The following LIPI variants were observed in gnomAD, a reference collection of about 807,000 sequenced individuals.
LIPI encodes lipase member I.
Under a neutral mutation model 50.6 loss-of-function variants are expected in LIPI, and 59 were observed. That is an observed-to-expected ratio of 1.16 (90% confidence interval 0.94 to 1.45). The LOEUF (loss-of-function observed/expected upper bound fraction) is 1.45, where lower values mean the gene tolerates loss of function less well. Ranked by LOEUF, LIPI falls within the 40% of genes most tolerant of loss-of-function variation. The pLI is 0.00. For synonymous variants in LIPI, 203 were observed against 178.2 expected, an observed-to-expected ratio of 1.14 and a Z score of -1.11; for missense variants, 586 against 536.3, an observed-to-expected ratio of 1.09 and a Z score of -0.92.
chr21:14,193,486 A>G (rs1018535939), intron 1 of LIPI, among the ~76,000 whole-genome samples: 1 of 152,132 alleles, frequency 6.6e-6, no homozygotes, highest in Non-Finnish European at 1.5e-5. Context: ...ACCAGACTAT[A>G]TGTTACCTAC....
At chr21:14,138,285 A>G (rs1201560227) in intron 9 of LIPI, among the ~76,000 whole-genome samples, 1 of 152,136 alleles carries the variant, frequency 6.6e-6, no homozygotes, top group Admixed American at 6.5e-5. Flanking sequence ...TAAAAAAATA[A>G]AGATTTCAGG....
chr21:14,161,509 A>G lies in LIPI; in HGVS notation c.1006+1910T>C, dbSNP rs1182042641. Among the ~76,000 whole-genome samples the G allele has an allele frequency of 1.2e-4, 16 of 133,024 alleles. No homozygotes were observed. In the South Asian group the frequency reaches 2.2e-3, roughly 18 times the overall value. The allele number at this position is 133,024 out of a possible 152,430, so 87.3% of individuals were successfully genotyped here. On this transcript the variant is annotated intron_variant, in intron 7 of 9. Transcript: ENST00000681601. The stretch of plus-strand genomic sequence containing the variant: ...TCTAATATATAGATATCTATAATAT[A>G]TAGATATATAGATATAGATATAATA...
chr21:14,185,852 C>A, intron 3 of LIPI, 109 bp downstream of exon 3: 2 of 664,682 alleles, frequency 3.0e-6, no homozygotes, highest in Non-Finnish European at 5.3e-6. Context: ...CACTGCACTG[C>A]AGCCTGGGCA....
intron 9 of LIPI, among the ~76,000 whole-genome samples, chr21:14,139,780 G>C (rs2017637583): frequency 6.6e-6 from 1 of 152,128 alleles, no homozygotes; most frequent in Admixed American, 6.6e-5. Context: ...TTGGAGGTGA[G>C]AAAGTTAGCC....
intron 4 of LIPI, among the ~76,000 whole-genome samples, chr21:14,171,271 G>T (rs969008930): frequency 6.8e-6 from 1 of 146,602 alleles, no homozygotes. Context: ...AATCAATATC[G>T]TGAAAATGGC....
chr21:14,188,617 C>CGA (rs2019540323), intron 2 of LIPI, among the ~76,000 whole-genome samples: 1 of 143,634 alleles, frequency 7.0e-6, no homozygotes, highest in Admixed American at 6.9e-5. Context: ...TACCAATTCA[C>CGA]ACTCGATTAT....
chr21:14,127,586 A>AT, intron 9 of LIPI, among the ~76,000 whole-genome samples: 1 of 152,236 alleles, frequency 6.6e-6, no homozygotes, highest in Admixed American at 6.5e-5. Context: ...ACTTCACCCT[A>AT]TTTTTTACCT....
chr21:14,195,215 A>C (rs546567706), intron 1 of LIPI, among the ~76,000 whole-genome samples: 1 of 152,282 alleles, frequency 6.6e-6, no homozygotes, highest in African/African-American at 2.4e-5. Flanking sequence ...TGAAATCTGC[A>C]TAGGGGTCTC....
intron 6 of LIPI, among the ~76,000 whole-genome samples, chr21:14,163,937 A>G (rs2018583517): frequency 6.6e-6 from 1 of 151,380 alleles, no homozygotes; most frequent in African/African-American, 2.4e-5. Flanking sequence ...TACGTATAAT[A>G]CATACAGATA....
intron 1 of LIPI, among the ~76,000 whole-genome samples, chr21:14,194,127 A>G (rs2019767471): frequency 6.6e-6 from 1 of 152,038 alleles, no homozygotes; most frequent in Admixed American, 6.6e-5. Flanking sequence ...CTTGCTAAAA[A>G]CACACACACA....
At chr21:14,177,078 T>C (rs2019123804) in intron 4 of LIPI, among the ~76,000 whole-genome samples, 1 of 152,264 alleles carries the variant, frequency 6.6e-6, no homozygotes, top group South Asian at 2.1e-4. Context: ...TATGATTGTG[T>C]AGTTGCCTTT....
chr21:14,123,413 A>C (rs2016937807), intron 9 of LIPI, among the ~76,000 whole-genome samples: 1 of 152,212 alleles, frequency 6.6e-6, no homozygotes, highest in Admixed American at 6.5e-5. Context: ...GATCTGTAAG[A>C]CAAAAGCCTA....
At chr21:14,167,119 C>T (rs887201759) in intron 4 of LIPI, among the ~76,000 whole-genome samples, 1 of 152,172 alleles carries the variant, frequency 6.6e-6, no homozygotes, top group African/African-American at 2.4e-5. Context: ...GCTAGCACAG[C>T]AGTCTGAGAT....
intron 8 of LIPI, among the ~76,000 whole-genome samples, chr21:14,146,923 C>T (rs1012437224): frequency 1.3e-5 from 2 of 151,704 alleles, no homozygotes; most frequent in African/African-American, 4.8e-5. Flanking sequence ...GGACTACAGG[C>T]ACACGCCACC....
chr21:14,137,712 G>A (rs2017554803), intron 9 of LIPI, among the ~76,000 whole-genome samples: 1 of 152,016 alleles, frequency 6.6e-6, no homozygotes, highest in South Asian at 2.1e-4. Context: ...ACAAATAACA[G>A]GGATAATACC....
intron 1 of LIPI, among the ~76,000 whole-genome samples, chr21:14,192,758 T>C (rs2019720528): frequency 1.3e-5 from 2 of 152,254 alleles, no homozygotes; most frequent in African/African-American, 2.4e-5. Flanking sequence ...AACAAAATTG[T>C]CCTTTAAAAA....
chr21:14,154,250 A>G (rs1241274554), intron 7 of LIPI, among the ~76,000 whole-genome samples: 1 of 152,170 alleles, frequency 6.6e-6, no homozygotes, highest in Non-Finnish European at 1.5e-5. Context: ...GATAAATGAA[A>G]AAAAGTGTAT....
At chr21:14,152,059 C>T (rs1185112554) in intron 8 of LIPI, among the ~76,000 whole-genome samples, 5 of 150,196 alleles carry the variant, frequency 3.3e-5, no homozygotes. Flanking sequence ...TCGTCTTTTA[C>T]TCTTTAACTT....
At chr21:14,151,680 A>G (rs548661535) in intron 8 of LIPI, among the ~76,000 whole-genome samples, 142 of 152,292 alleles carry the variant, frequency 9.3e-4, no homozygotes, top group African/African-American at 3.2e-3. Context: ...TCATTCTTTT[A>G]TTTAAGAAAA....
Sources: allele counts gnomAD v4.1 joint callset (sites outside exome capture counted in the v4.1 genomes callset), GRCh38; gene constraint gnomAD v4.1.1; transcripts MANE v1.5; gene names NCBI Gene and HGNC (gene_info 2026-07-23, HGNC 2026-07-21).